Variants in TPGS2 observed in about 807,000 individuals in gnomAD.
TPGS2 encodes polyglutamylase subunit 2.
In TPGS2, 26 loss-of-function variants were observed where a neutral mutation model predicts 31.1. That is an observed-to-expected ratio of 0.84 (90% confidence interval 0.61 to 1.16). The LOEUF is 1.16. Among genes scored for constraint, TPGS2 ranks in the 50% most tolerant of loss-of-function variants. TPGS2 has a pLI of 0.00. For synonymous variants in TPGS2, 130 were observed against 136.6 expected (o/e 0.95, Z 0.34); for missense variants, 351 against 363.8 (o/e 0.96, Z 0.29).
intron 1 of TPGS2, among the ~76,000 whole-genome samples, chr18:36,826,172 G>C (rs1353071180): frequency 6.6e-6 from 1 of 151,916 alleles, no homozygotes; most frequent in Non-Finnish European, 1.5e-5. Flanking sequence ...TGAGTAGCTA[G>C]GACTAAGGCA....
chr18:36,800,866 T>A (rs2044778167), intron 4 of TPGS2, among the ~76,000 whole-genome samples: 1 of 152,056 alleles, frequency 6.6e-6, no homozygotes, highest in Admixed American at 6.6e-5. Context: ...ATTTTTGTAT[T>A]TTTAGTAGGG....
chr18:36,803,543 T>A (rs12970069), intron 4 of TPGS2, among the ~76,000 whole-genome samples: 3 of 152,214 alleles, frequency 2.0e-5, no homozygotes, highest in African/African-American at 4.8e-5. Flanking sequence ...CTTTTATTAG[T>A]ATGTATTTAC....
At position 36,796,120 on chromosome 18, in the gene TPGS2, C is replaced by A; in HGVS notation, c.*685G>T. ...GAAGCTGCAAAAGAAATGAGCAGAGCGAGATATTTGTGGTAAGGGATACAA... is the reference window on the plus strand; with the variant it reads ...GAAGCTGCAAAAGAAATGAGCAGAGAGAGATATTTGTGGTAAGGGATACAA... On this transcript the variant is annotated 3_prime_UTR_variant, in exon 7 of 7. Coordinates refer to ENST00000334295, the MANE Select transcript of TPGS2 (RefSeq NM_015476.4). 2 of 985,208 alleles carry A rather than the reference C, an allele frequency of 2.0e-6. No individual in the cohort carries two copies. The highest frequency in any genetic ancestry group is 2.4e-6 in the Non-Finnish European group (2 of 829,910). The allele number at this position is 985,208 out of a possible 1,614,324, so 61.0% of individuals were successfully genotyped here.
At position 36,794,880 on chromosome 18, in the gene TPGS2, CACG is replaced by C. The variant is rs1567997623; in HGVS notation, c.*1922_*1924del. On this transcript the variant is annotated 3_prime_UTR_variant, in exon 7 of 7. Transcript: ENST00000334295. ...ACACACACACACACACACACACACA[CACG>C]TTTAAATGACCACACTGAATTATAA... 3.1e-6 allele frequency: 3 copies of C among 970,364 alleles called. No homozygotes were observed. The highest frequency in any genetic ancestry group is 2.4e-6 in the Non-Finnish European group (2 of 823,794). The allele number at this position is 970,364 out of a possible 1,614,324, so 60.1% of individuals were successfully genotyped here. A position where few individuals can be genotyped will look rare whatever the true frequency, so the allele number is the denominator to read the frequency against.
At chr18:36,791,337 G>A (rs1016637272), downstream of TPGS2, among the ~76,000 whole-genome samples, 1 of 152,204 alleles carries the variant, frequency 6.6e-6, no homozygotes, top group Non-Finnish European at 1.5e-5. Flanking sequence ...TGAAGACACA[G>A]AGGACAGAGG....
intron 4 of TPGS2, among the ~76,000 whole-genome samples, chr18:36,803,408 A>G (rs569344990): frequency 6.6e-6 from 1 of 151,898 alleles, no homozygotes; most frequent in East Asian, 1.9e-4. Context: ...TTCCCTCACA[A>G]GTAATTTGTT....
intron 5 of TPGS2, among the ~76,000 whole-genome samples, chr18:36,799,870 G>C (rs1471515887): frequency 7.2e-6 from 1 of 138,218 alleles, no homozygotes; most frequent in East Asian, 1.9e-4. Context: ...AAAAGATAAT[G>C]TGTTTTCTGG....
chr18:36,788,406 C>A (rs1037128523), intron 6 of TPGS2, among the ~76,000 whole-genome samples: 3 of 152,198 alleles, frequency 2.0e-5, no homozygotes, highest in African/African-American at 7.2e-5. Context: ...ATATCACCGT[C>A]TCTGTCCCAT....
chr18:36,823,457 C>CTTTTTTT (rs1193182256), intron 1 of TPGS2, among the ~76,000 whole-genome samples: 28 of 107,086 alleles, frequency 2.6e-4, no homozygotes, highest in African/African-American at 6.9e-4. Context: ...TTGTTAACAG[C>CTTTTTTT]TTGTTTTTTT....
intron 3 of TPGS2, among the ~76,000 whole-genome samples, chr18:36,806,925 A>G (rs934583780): frequency 2.7e-5 from 4 of 150,148 alleles, no homozygotes; most frequent in Non-Finnish European, 5.9e-5. Flanking sequence ...AGGCTTTGGA[A>G]ATCACCCAAA....
At chr18:36,799,713 G>A (rs1220373258) in intron 5 of TPGS2, among the ~76,000 whole-genome samples, 6 of 152,138 alleles carry the variant, frequency 3.9e-5, no homozygotes, top group Admixed American at 3.9e-4. Context: ...TAGTTTCACA[G>A]TCCCTAGGCT....
intron 1 of TPGS2, among the ~76,000 whole-genome samples, chr18:36,824,047 A>T (rs1375909676): frequency 6.6e-6 from 1 of 152,176 alleles, no homozygotes; most frequent in African/African-American, 2.4e-5. Flanking sequence ...CCCCTCTCCT[A>T]CCAGCCTCTG....
At chr18:36,823,968 AGT>A in intron 1 of TPGS2, 1 of 663,116 alleles carries the variant, frequency 1.5e-6, no homozygotes. Context: ...TAATTTATAA[AGT>A]GATTTTTATA....
chr18:36,783,685 A>C (rs1442983360), intron 6 of TPGS2, among the ~76,000 whole-genome samples: 1 of 152,140 alleles, frequency 6.6e-6, no homozygotes, highest in Non-Finnish European at 1.5e-5. Context: ...TGGTCTCCAC[A>C]TTGTCCATGG....
intron 2 of TPGS2, chr18:36,817,507 C>T (rs2150668415): frequency 6.6e-6 from 1 of 151,556 alleles, no homozygotes; most frequent in South Asian, 2.1e-4. Flanking sequence ...GTGATCATAG[C>T]TCACTGCAGC....
chr18:36,825,047 G>A (rs2046068975), intron 1 of TPGS2, among the ~76,000 whole-genome samples: 1 of 152,036 alleles, frequency 6.6e-6, no homozygotes, highest in Non-Finnish European at 1.5e-5. Context: ...TGAGGTAGAG[G>A]TCCAATTTCA....
intron 4 of TPGS2, among the ~76,000 whole-genome samples, chr18:36,800,887 A>G (rs563708737): frequency 1.8e-4 from 27 of 152,028 alleles, no homozygotes; most frequent in Non-Finnish European, 2.9e-4. Context: ...ACGGAGTTTC[A>G]CCACATTGGC....
chr18:36,816,836 T>G (rs2045678919), intron 2 of TPGS2, among the ~76,000 whole-genome samples: 1 of 152,214 alleles, frequency 6.6e-6, no homozygotes, highest in Non-Finnish European at 1.5e-5. Flanking sequence ...CTCGAACTCC[T>G]GACCTCGTGA....
At chr18:36,803,800 A>T (rs1321578119) in intron 4 of TPGS2, among the ~76,000 whole-genome samples, 1 of 152,074 alleles carries the variant, frequency 6.6e-6, no homozygotes, top group Non-Finnish European at 1.5e-5. Context: ...TTTTATCCAT[A>T]GAAAGTCTTT....
Sources: gnomAD v4.1 joint callset for allele counts (sites outside exome capture counted in the v4.1 genomes callset) on GRCh38, gnomAD v4.1.1 for gene constraint, MANE v1.5 for transcripts, NCBI Gene and HGNC (gene_info 2026-07-23, HGNC 2026-07-21) for gene names.